Variants in NOVA1 observed in about 807,000 individuals in gnomAD.
The protein encoded by NOVA1 is NOVA alternative splicing regulator 1, also known as RNA-binding protein Nova-1.
NOVA1 carries 7 observed loss-of-function variants against 38.0 expected under a neutral mutation model. That is an observed-to-expected ratio of 0.18 (90% CI 0.10 to 0.35). The LOEUF (loss-of-function observed/expected upper bound fraction) is 0.35. NOVA1 is among the 10% of genes least tolerant of loss of function. The pLI, the probability that NOVA1 is intolerant of heterozygous loss-of-function variation, is 1.00. For missense variants in NOVA1, 460 were observed against 616.0 expected, an observed-to-expected ratio of 0.75 and a Z score of 2.68; for synonymous variants, 270 against 232.5, an observed-to-expected ratio of 1.16 and a Z score of -1.47.
chr14:26,579,053 C>CTTTTTTTTT (rs869075814), intron 2 of NOVA1, among the ~76,000 whole-genome samples: 13 of 80,074 alleles, frequency 1.6e-4, no homozygotes, highest in East Asian at 8.9e-4. Context: ...AGGTGGTATT[C>CTTTTTTTTT]TTTTTTTTTT....
chr14:26,546,263 C>T (rs1196905723), intron 2 of NOVA1, among the ~76,000 whole-genome samples: 1 of 152,024 alleles, frequency 6.6e-6, no homozygotes, highest in East Asian at 1.9e-4. Flanking sequence ...ATATTGACCA[C>T]TTAGGATAAA....
chr14:26,521,147 T>A (rs2138504185), intron 2 of NOVA1, among the ~76,000 whole-genome samples: 1 of 151,978 alleles, frequency 6.6e-6, no homozygotes, highest in African/African-American at 2.4e-5. Flanking sequence ...TCATTTGAGG[T>A]AGTTCAGCAT....
intron 2 of NOVA1, among the ~76,000 whole-genome samples, chr14:26,564,945 A>C (rs1892045168): frequency 6.6e-6 from 1 of 152,188 alleles, no homozygotes. Flanking sequence ...CTAACTTCTT[A>C]AAATGTAATG....
intron 2 of NOVA1, among the ~76,000 whole-genome samples, chr14:26,494,763 C>T (rs1361333425): frequency 6.6e-6 from 1 of 152,052 alleles, no homozygotes; most frequent in Non-Finnish European, 1.5e-5. Context: ...CCTCCCTAGT[C>T]GGAGACACTA....
intron 2 of NOVA1, among the ~76,000 whole-genome samples, chr14:26,544,218 A>C (rs1002907208): frequency 6.6e-6 from 1 of 152,038 alleles, no homozygotes; most frequent in African/African-American, 2.4e-5. Context: ...CAAAACAAAG[A>C]GGACAGAGAT....
chr14:26,577,054 T>C (rs1344147819), intron 2 of NOVA1, among the ~76,000 whole-genome samples: 1 of 152,026 alleles, frequency 6.6e-6, no homozygotes, highest in Non-Finnish European at 1.5e-5. Flanking sequence ...TCTCCATTTC[T>C]AGGTATTCTA....
At chr14:26,574,022 ACTTT>A (rs1892653852) in intron 2 of NOVA1, among the ~76,000 whole-genome samples, 1 of 126,048 alleles carries the variant, frequency 7.9e-6, no homozygotes, top group Non-Finnish European at 1.6e-5. Context: ...CAAAGATTAC[ACTTT>A]TTTTTTTTTT....
chr14:26,528,426 C>T (rs1340908996), intron 2 of NOVA1, among the ~76,000 whole-genome samples: 2 of 151,986 alleles, frequency 1.3e-5, no homozygotes, highest in Non-Finnish European at 2.9e-5. Flanking sequence ...CCATGTAGGG[C>T]CAACTCCAGG....
At chr14:26,482,702 T>C (rs576133474) in intron 2 of NOVA1, among the ~76,000 whole-genome samples, 2 of 152,222 alleles carry the variant, frequency 1.3e-5, no homozygotes, top group South Asian at 4.1e-4. Context: ...TACCATTAAT[T>C]AATTAATTTT....
chr14:26,569,174 T>C (rs1458103062), intron 2 of NOVA1, among the ~76,000 whole-genome samples: 2 of 152,060 alleles, frequency 1.3e-5, no homozygotes, highest in Non-Finnish European at 2.9e-5. Context: ...AGCAGAACTG[T>C]CAGATAGAGT....
chr14:26,472,187 G>T, intron 4 of NOVA1, 133 bp downstream of exon 4: 1 of 620,054 alleles, frequency 1.6e-6, no homozygotes, highest in Non-Finnish European at 3.0e-6. Context: ...TCTTTCTTAG[G>T]TTATTTGGAA....
intron 2 of NOVA1, among the ~76,000 whole-genome samples, chr14:26,511,050 TGTACTGTGTCCTCCATAAGAAC>T (rs35274189): frequency 0.63 from 96,031 of 151,872 alleles, 32,924 homozygotes; most frequent in Non-Finnish European, 0.75. Flanking sequence ...TTCAGTTAAC[TGTACTGTGTCCTCCATAAGAAC>T]GTAGCCCCAT....
At chr14:26,492,876 T>G (rs1358282339) in intron 2 of NOVA1, among the ~76,000 whole-genome samples, 1 of 152,016 alleles carries the variant, frequency 6.6e-6, no homozygotes, top group Non-Finnish European at 1.5e-5. Context: ...GAGGTTTCAG[T>G]GAGCTGGGAT....
chr14:26,560,138 T>G lies in NOVA1; in HGVS notation c.280+35272A>C, dbSNP rs1455808198. ...TGACTCTAAGACTATCTCCCTACTTTAAGGATGCCTGAAAGGTACATGAAT... is the reference window on the plus strand; with the variant it reads ...TGACTCTAAGACTATCTCCCTACTTGAAGGATGCCTGAAAGGTACATGAAT... On this transcript the variant is annotated intron_variant, in intron 2 of 4. Coordinates refer to ENST00000539517, the MANE Select transcript of NOVA1 (RefSeq NM_002515.3). Among the ~76,000 whole-genome samples, 3 of 152,010 alleles carry G rather than the reference T, an allele frequency of 2.0e-5. No individual in the cohort carries two copies. The East Asian group carries it at 5.8e-4, about 29-fold the overall frequency.
intron 1 of NOVA1, chr14:26,595,983 G>C (rs563076760): frequency 2.2e-5 from 8 of 356,374 alleles, no homozygotes; most frequent in Admixed American, 3.8e-5. Context: ...ACTGTAAATA[G>C]TGATGAGCTA....
chr14:26,521,320 T>C (rs1464766535), intron 2 of NOVA1, among the ~76,000 whole-genome samples: 1 of 152,070 alleles, frequency 6.6e-6, no homozygotes, highest in Non-Finnish European at 1.5e-5. Flanking sequence ...TTATGCATTA[T>C]CAGTAAACTC....
intron 2 of NOVA1, among the ~76,000 whole-genome samples, chr14:26,482,928 T>C (rs1885580817): frequency 6.6e-6 from 1 of 152,044 alleles, no homozygotes; most frequent in Non-Finnish European, 1.5e-5. Flanking sequence ...TCTTCTGAGC[T>C]CAAGTGATCT....
chr14:26,495,538 C>T (rs952000676), intron 2 of NOVA1, among the ~76,000 whole-genome samples: 2 of 152,038 alleles, frequency 1.3e-5, no homozygotes, highest in Non-Finnish European at 2.9e-5. Flanking sequence ...GGTAGATGTG[C>T]ACAATGTGCA....
intron 4 of NOVA1, among the ~76,000 whole-genome samples, chr14:26,450,191 T>C (rs1309300353): frequency 6.6e-6 from 1 of 152,142 alleles, no homozygotes; most frequent in Admixed American, 6.5e-5. Flanking sequence ...AGGTATTCTA[T>C]GAGGGATTTC....
Sources: gnomAD v4.1 joint callset for allele counts (sites outside exome capture counted in the v4.1 genomes callset) on GRCh38, gnomAD v4.1.1 for gene constraint, MANE v1.5 for transcripts, NCBI Gene and HGNC (gene_info 2026-07-23, HGNC 2026-07-21) for gene names.